FBXL4: variants seen among roughly 807,000 people sequenced by gnomAD.
FBXL4 encodes the protein F-box and leucine rich repeat protein 4, also known as F-box/LRR-repeat protein 4.
Under a neutral mutation model 58.9 loss-of-function variants are expected in FBXL4, and 40 were observed. The ratio of observed to expected loss-of-function variants is 0.68; its 90% CI spans 0.53 to 0.88. The LOEUF (loss-of-function observed/expected upper bound fraction) is 0.88, where lower values mean the gene tolerates loss of function less well. Ranked by LOEUF, FBXL4 falls within the 40% of genes least tolerant of loss-of-function variation. The pLI, the probability that FBXL4 is intolerant of heterozygous loss-of-function variation, is 0.00. For synonymous variants in FBXL4, 263 were observed against 265.5 expected (o/e 0.99, Z 0.09); for missense variants, 676 against 734.4 (o/e 0.92, Z 0.92).
At chr6:98,934,398 C>CAA (rs538726586) in intron 2 of FBXL4, among the ~76,000 whole-genome samples, 1 of 108,740 alleles carries the variant, frequency 9.2e-6, no homozygotes, top group African/African-American at 3.5e-5. Context: ...GACTCCGTCT[C>CAA]AAAAAAAAAA....
intron 4 of FBXL4, among the ~76,000 whole-genome samples, chr6:98,924,661 TA>T (rs1772706642): frequency 6.6e-6 from 1 of 152,192 alleles, no homozygotes; most frequent in Admixed American, 6.5e-5. Context: ...AAACGACTAA[TA>T]ACATTATTTG....
chr6:98,903,604 C>T (rs1325403449), intron 6 of FBXL4, among the ~76,000 whole-genome samples: 1 of 152,060 alleles, frequency 6.6e-6, no homozygotes, highest in Non-Finnish European at 1.5e-5. Flanking sequence ...GATCTTTATC[C>T]ATTACTAGTA....
intron 4 of FBXL4, among the ~76,000 whole-genome samples, chr6:98,920,392 A>G (rs1772533841): frequency 6.6e-6 from 1 of 152,160 alleles, no homozygotes; most frequent in East Asian, 1.9e-4. Flanking sequence ...TATATATCAG[A>G]ATCTGCAAAA....
chr6:98,935,721 G>A (rs1038295001), intron 1 of FBXL4, among the ~76,000 whole-genome samples: 18 of 150,416 alleles, frequency 1.2e-4, no homozygotes, highest in South Asian at 4.2e-4. Context: ...CCCGGGAAGC[G>A]GAGCTTGCAG....
chr6:98,923,525 G>A (rs1562243580), intron 4 of FBXL4, among the ~76,000 whole-genome samples: 1 of 152,242 alleles, frequency 6.6e-6, no homozygotes, highest in East Asian at 1.9e-4. Flanking sequence ...CAAATGTGCT[G>A]TTGTCTCTCC....
chr6:98,903,247 G>A (rs1771677923), intron 6 of FBXL4, among the ~76,000 whole-genome samples: 1 of 151,894 alleles, frequency 6.6e-6, no homozygotes, highest in African/African-American at 2.4e-5. Flanking sequence ...GTTTATTCTG[G>A]GAATGCTGCC....
intron 4 of FBXL4, among the ~76,000 whole-genome samples, chr6:98,924,615 AT>A (rs1772705107): frequency 1.3e-5 from 2 of 152,186 alleles, no homozygotes; most frequent in Admixed American, 1.3e-4. Flanking sequence ...CAAAAATCTG[AT>A]TTTAATTAAG....
Position 98,872,112 on chromosome 6 carries a change from G to A in FBXL4, c.*2166C>T, listed in dbSNP as rs575527757. Reference sequence around the variant, plus strand: ...CTATCAAAAGGTAAGACAAAGAAGCGAGATCTCCACTCTCACACAAATTTG... The same window carrying A: ...CTATCAAAAGGTAAGACAAAGAAGCAAGATCTCCACTCTCACACAAATTTG... On this transcript the variant is annotated 3_prime_UTR_variant, in exon 10 of 10. Coordinates refer to ENST00000369244, the MANE Select transcript of FBXL4 (RefSeq NM_001278716.2). 5 of 152,282 alleles carry A rather than the reference G, an allele frequency of 3.3e-5. No homozygotes were observed. Among genetic ancestry groups the A allele is most frequent in the South Asian group, 2.1e-4 (1 of 4,824 alleles). 9.4% of individuals were successfully genotyped at this position (152,282 alleles called of 1,614,324 possible).
At chr6:98,947,684 C>A in intron 1 of FBXL4, 122 bp downstream of exon 1, 1 of 151,956 alleles carries the variant, frequency 6.6e-6, no homozygotes, top group South Asian at 2.0e-4. Context: ...GCGGGGGCCT[C>A]TGCCAGGCGT....
chr6:98,891,355 T>C (rs1771219930), intron 7 of FBXL4, among the ~76,000 whole-genome samples: 1 of 152,158 alleles, frequency 6.6e-6, no homozygotes, highest in Non-Finnish European at 1.5e-5. Flanking sequence ...AACATACAAG[T>C]TTCAGTTTAA....
At chr6:98,883,382 T>G (rs1260441457) in intron 7 of FBXL4, among the ~76,000 whole-genome samples, 1 of 152,038 alleles carries the variant, frequency 6.6e-6, no homozygotes, top group Admixed American at 6.5e-5. Context: ...TTTTCACTGT[T>G]TACTGGATTT....
At chr6:98,879,258 G>T (rs1185221038) in intron 8 of FBXL4, among the ~76,000 whole-genome samples, 1 of 152,166 alleles carries the variant, frequency 6.6e-6, no homozygotes, top group Non-Finnish European at 1.5e-5. Flanking sequence ...AAGTTTTCTA[G>T]AATCTTGCAA....
chr6:98,908,620 T>C lies in FBXL4; in HGVS notation c.859-2950A>G, dbSNP rs1466991824. On this transcript the variant is annotated intron_variant, in intron 5 of 9. Transcript: ENST00000369244. Reference sequence around the variant, plus strand: ...AATTTATATATCCATAAAAATTGTATGAAAGTACCCTTTTGCTTATATCCT... The same window carrying C: ...AATTTATATATCCATAAAAATTGTACGAAAGTACCCTTTTGCTTATATCCT... 2.0e-5 allele frequency among the ~76,000 whole-genome samples: 3 copies of C among 152,190 alleles called. No individual in the cohort carries two copies. The East Asian group carries it at 5.8e-4, about 29-fold the overall frequency.
In FBXL4 at chr6:98,897,034, T is replaced by C. The variant is rs557529937; in HGVS notation, c.1317+2234A>G. On this transcript the variant is annotated intron_variant, in intron 7 of 9. Transcript: ENST00000369244. ...ATATATTTTCACAAGCCACAATAGA[T>C]ATAAGATGCCTAGCAAGTTAATATT... The C allele has an allele frequency of 9.1e-6, 9 of 984,726 alleles. No homozygotes were observed. The Admixed American group carries it at 4.9e-4, about 54-fold the overall frequency. The allele number at this position is 984,726 out of a possible 1,614,324, so 61.0% of individuals were successfully genotyped here. A position where few individuals can be genotyped will look rare whatever the true frequency, so the allele number is the denominator to read the frequency against.
chr6:98,894,185 C>T (rs914840384), intron 7 of FBXL4, among the ~76,000 whole-genome samples: 2 of 152,182 alleles, frequency 1.3e-5, no homozygotes, highest in Admixed American at 6.5e-5. Context: ...TAGATTTTTA[C>T]AGCTCTACTT....
rs1285424441 is a variant in FBXL4, at chr6:98,868,677, A to G, written c.*5601T>C. ...ACAGACAACTTCATTTGTAACAGAG[A>G]CTTGTTTTATCTTTAGTGTATTCTA... On this transcript the variant is annotated 3_prime_UTR_variant, in exon 10 of 10. Coordinates refer to ENST00000369244, the MANE Select transcript of FBXL4 (RefSeq NM_001278716.2). The G allele has an allele frequency of 6.6e-6, 1 of 152,168 alleles. No individual in the cohort carries two copies. Among genetic ancestry groups the G allele is most frequent in the Non-Finnish European group, 1.5e-5 (1 of 68,016 alleles). The allele number at this position is 152,168 out of a possible 1,614,324, so 9.4% of individuals were successfully genotyped here.
intron 6 of FBXL4, among the ~76,000 whole-genome samples, chr6:98,899,937 C>G (rs1771544870): frequency 6.6e-6 from 1 of 152,042 alleles, no homozygotes; most frequent in South Asian, 2.1e-4. Flanking sequence ...TTTAAATAAC[C>G]TCAAAACAAA....
chr6:98,906,470 CT>C (rs1273523553), intron 5 of FBXL4, among the ~76,000 whole-genome samples: 1 of 152,088 alleles, frequency 6.6e-6, no homozygotes, highest in Non-Finnish European at 1.5e-5. Flanking sequence ...TGGTTTCCAG[CT>C]TCATCCATGT....
chr6:98,918,381 A>G (rs1772452137), intron 4 of FBXL4, among the ~76,000 whole-genome samples: 1 of 152,124 alleles, frequency 6.6e-6, no homozygotes, highest in Admixed American at 6.6e-5. Flanking sequence ...TCCCAGCCAG[A>G]TTAATCATTA....
Sources: allele counts gnomAD v4.1 joint callset (sites outside exome capture counted in the v4.1 genomes callset), GRCh38; gene constraint gnomAD v4.1.1; transcripts MANE v1.5; gene names NCBI Gene and HGNC (gene_info 2026-07-23, HGNC 2026-07-21).